IGSF21: variants seen among roughly 807,000 people sequenced by gnomAD.
The protein encoded by IGSF21 is immunoglobulin superfamily member 21.
In IGSF21, 28 loss-of-function variants were observed where a neutral mutation model predicts 46.8. The observed-to-expected ratio is 0.60, with a 90% CI of 0.44 to 0.82. The LOEUF (loss-of-function observed/expected upper bound fraction) is 0.82, where lower values mean the gene tolerates loss of function less well. IGSF21 is among the 40% of genes least tolerant of loss of function. IGSF21 has a pLI of 0.00. For missense variants in IGSF21, 624 were observed against 665.5 expected (o/e 0.94, Z 0.69); for synonymous variants, 284 against 273.6 (o/e 1.04, Z -0.38).
In IGSF21 at chr1:18,322,502, G is replaced by A. The variant is rs1232383005; in HGVS notation, c.306-12390G>A. 6.6e-6 allele frequency among the ~76,000 whole-genome samples: 1 copy of A among 152,116 alleles called. No homozygotes were observed. Among genetic ancestry groups the A allele is most frequent in the Non-Finnish European group, 1.5e-5 (1 of 68,018 alleles). ...AATCACGAACGATAGGAAGGAGGCG[G>A]CGAGCTCAGCCACGGGCCCAGCCTT... On this transcript the variant is annotated intron_variant, in intron 3 of 9. Coordinates refer to ENST00000251296, the MANE Select transcript of IGSF21 (RefSeq NM_032880.5). This position sits in a 1 kb window ranked among gnomAD's most constrained non-coding sequence, Gnocchi z 4.3.
chr1:18,153,227 G>C (rs918274545), intron 1 of IGSF21, among the ~76,000 whole-genome samples: 8 of 152,202 alleles, frequency 5.3e-5, no homozygotes, highest in South Asian at 2.1e-4. Context: ...GCATTCCCGG[G>C]CGTTGCTTCA....
chr1:18,175,114 T>C (rs1223503543), intron 1 of IGSF21, among the ~76,000 whole-genome samples: 1 of 152,162 alleles, frequency 6.6e-6, no homozygotes, highest in East Asian at 1.9e-4. Flanking sequence ...ACAAACATAT[T>C]CAAATGCCCG....
intron 1 of IGSF21, among the ~76,000 whole-genome samples, chr1:18,196,892 C>G (rs1201606955): frequency 6.6e-6 from 1 of 152,154 alleles, no homozygotes; most frequent in African/African-American, 2.4e-5. Context: ...GCCACAGAGA[C>G]AAGTGGGGGA....
At chr1:18,276,353 C>T (rs969349275) in intron 2 of IGSF21, among the ~76,000 whole-genome samples, 6 of 152,174 alleles carry the variant, frequency 3.9e-5, no homozygotes, top group Admixed American at 2.6e-4. Flanking sequence ...CAAGGTCCCC[C>T]TCCTTCTCCA....
intron 2 of IGSF21, among the ~76,000 whole-genome samples, chr1:18,239,243 C>T (rs2084701852): frequency 6.6e-6 from 1 of 151,426 alleles, no homozygotes; most frequent in Admixed American, 6.6e-5. Context: ...AGCTCCAGCA[C>T]ACCAGTGAAA....
At chr1:18,323,931 C>T (rs548168678) in intron 3 of IGSF21, among the ~76,000 whole-genome samples, 22 of 152,104 alleles carry the variant, frequency 1.4e-4, no homozygotes, top group Non-Finnish European at 3.1e-4. Context: ...CATAAAATTC[C>T]CAGTGTCCAG....
chr1:18,144,691 G>A (rs551485101), intron 1 of IGSF21, among the ~76,000 whole-genome samples: 10 of 151,924 alleles, frequency 6.6e-5, no homozygotes, highest in Admixed American at 2.6e-4. Flanking sequence ...CAAAGCCAGA[G>A]CACGTTGCTG....
At chr1:18,340,827 C>A (rs6668265) in intron 4 of IGSF21, among the ~76,000 whole-genome samples, 13 of 151,948 alleles carry the variant, frequency 8.6e-5, no homozygotes, top group Non-Finnish European at 1.5e-4. Flanking sequence ...ATCATATGGC[C>A]TTCTCTCTCT....
At chr1:18,172,158 A>G (rs1284384240) in intron 1 of IGSF21, among the ~76,000 whole-genome samples, 1 of 152,220 alleles carries the variant, frequency 6.6e-6, no homozygotes, top group African/African-American at 2.4e-5. Context: ...GAATCCCCCT[A>G]GCTCAAGACT....
At chr1:18,108,233 T>C in intron 1 of IGSF21, 35 bp downstream of exon 1, 1 of 1,327,022 alleles carries the variant, frequency 7.5e-7, no homozygotes, top group Non-Finnish European at 9.6e-7. Flanking sequence ...AGCCGAGCGG[T>C]GAACGTGCGC....
chr1:18,345,712 T>C (rs2085885957), intron 4 of IGSF21, among the ~76,000 whole-genome samples: 1 of 152,218 alleles, frequency 6.6e-6, no homozygotes, highest in Non-Finnish European at 1.5e-5. Context: ...GCATTTACTA[T>C]ATACCAGGGA....
chr1:18,318,665 G>C (rs1302152087), intron 3 of IGSF21, among the ~76,000 whole-genome samples: 1 of 152,080 alleles, frequency 6.6e-6, no homozygotes, highest in Non-Finnish European at 1.5e-5. Context: ...TCACTGACTT[G>C]CACACTCTCT....
chr1:18,170,090 T>C (rs1404080695), intron 1 of IGSF21, among the ~76,000 whole-genome samples: 3 of 152,194 alleles, frequency 2.0e-5, no homozygotes, highest in Non-Finnish European at 2.9e-5. Context: ...GTGGTAGCTG[T>C]GAGTGCCCTC....
chr1:18,250,755 A>G (rs1002857372), intron 2 of IGSF21, among the ~76,000 whole-genome samples: 1 of 152,200 alleles, frequency 6.6e-6, no homozygotes, highest in African/African-American at 2.4e-5. Flanking sequence ...CCAGTCTACA[A>G]GCATTTATAA....
intron 4 of IGSF21, among the ~76,000 whole-genome samples, chr1:18,349,323 C>G (rs2085926169): frequency 6.6e-6 from 1 of 152,008 alleles, no homozygotes. Context: ...GAGAAGGGCA[C>G]AGGTTTCCAG....
intron 4 of IGSF21, among the ~76,000 whole-genome samples, chr1:18,352,060 G>A (rs1327015503): frequency 6.6e-6 from 1 of 152,204 alleles, no homozygotes; most frequent in Non-Finnish European, 1.5e-5. Context: ...CCGGTTGTGG[G>A]GAGTGGAGCT....
chr1:18,295,421 G>A (rs751875617), intron 3 of IGSF21, among the ~76,000 whole-genome samples: 34 of 152,180 alleles, frequency 2.2e-4, no homozygotes, highest in Admixed American at 3.3e-4. Flanking sequence ...CAATCTAGTC[G>A]GAGAGACATG....
intron 3 of IGSF21, among the ~76,000 whole-genome samples, chr1:18,317,042 T>C (rs1294761204): frequency 6.6e-6 from 1 of 152,194 alleles, no homozygotes; most frequent in African/African-American, 2.4e-5. Context: ...ACTCCCTGTT[T>C]GTGTGACCTT....
intron 1 of IGSF21, among the ~76,000 whole-genome samples, chr1:18,117,754 A>G (rs2086199991): frequency 6.6e-6 from 1 of 152,230 alleles, no homozygotes; most frequent in African/African-American, 2.4e-5. Flanking sequence ...AGGTTTCCCC[A>G]TGTGGATCAC....
Sources: allele counts gnomAD v4.1 joint callset (sites outside exome capture counted in the v4.1 genomes callset), GRCh38; gene constraint gnomAD v4.1.1; non-coding constraint Gnocchi (gnomAD v3.1); transcripts MANE v1.5; gene names NCBI Gene and HGNC (gene_info 2026-07-23, HGNC 2026-07-21).